DYM: variants seen among roughly 807,000 people sequenced by gnomAD.
DYM encodes dymeclin.
DYM carries 78 observed loss-of-function variants against 93.1 expected under a neutral mutation model. The ratio of observed to expected loss-of-function variants is 0.84; its 90% CI spans 0.70 to 1.01. The LOEUF (loss-of-function observed/expected upper bound fraction) is 1.01. Ranked by LOEUF, DYM falls within the 50% of genes least tolerant of loss-of-function variation. The pLI is 0.00. For synonymous variants in DYM, 321 were observed against 319.7 expected, an observed-to-expected ratio of 1.00 and a Z score of -0.04; for missense variants, 789 against 845.0, an observed-to-expected ratio of 0.93 and a Z score of 0.82.
chr18:49,117,192 A>G lies in DYM; in HGVS notation c.1911+1552T>C, dbSNP rs528166767. 4.6e-5 allele frequency among the ~76,000 whole-genome samples: 7 copies of G among 152,362 alleles called. No homozygotes were observed. The South Asian group carries it at 1.5e-3, about 32-fold the overall frequency. ...TTAATGATACCTAAATGATGTCGAT[A>G]TAAGTTTAGGAAAGTGACAAGAGTG... On this transcript the variant is annotated intron_variant, in intron 16 of 17. Transcript: ENST00000675505.
chr18:49,215,104 G>C (rs1327181887), intron 13 of DYM, among the ~76,000 whole-genome samples: 1 of 152,176 alleles, frequency 6.6e-6, no homozygotes, highest in Admixed American at 6.5e-5. Context: ...CTTATAATAA[G>C]CTAAATCCAT....
intron 13 of DYM, among the ~76,000 whole-genome samples, chr18:49,249,256 A>G (rs2094234702): frequency 6.6e-6 from 1 of 152,248 alleles, no homozygotes; most frequent in Admixed American, 6.5e-5. Flanking sequence ...CACAAGAGAG[A>G]TAAGTGGTGA....
intron 11 of DYM, among the ~76,000 whole-genome samples, chr18:49,263,770 C>T (rs1787009118): frequency 6.6e-6 from 1 of 152,086 alleles, no homozygotes; most frequent in Non-Finnish European, 1.5e-5. Context: ...TGTGTTAACA[C>T]ACTAAAAAGC....
intron 8 of DYM, among the ~76,000 whole-genome samples, chr18:49,287,735 C>A (rs886516631): frequency 7.4e-5 from 11 of 149,436 alleles, no homozygotes; most frequent in African/African-American, 2.7e-4. Flanking sequence ...ATCCCAGCTA[C>A]TCGGGAGGCT....
At chr18:49,293,449 T>C (rs113577756) in intron 8 of DYM, among the ~76,000 whole-genome samples, 1,662 of 152,334 alleles carry the variant, frequency 0.011, 29 homozygotes, top group African/African-American at 0.038. Flanking sequence ...ACCAACAGTA[T>C]AAAAGCATTC....
In DYM at chr18:49,042,424, G is replaced by A. The variant is rs1346448621; in HGVS notation, c.*1631C>T. 2 of 152,366 alleles carry A rather than the reference G, an allele frequency of 1.3e-5. No individual in the cohort carries two copies. Among genetic ancestry groups the A allele is most frequent in the East Asian group, 3.8e-4 (2 of 5,202 alleles). 9.4% of individuals were successfully genotyped at this position (152,366 alleles called of 1,614,324 possible). A position where few individuals can be genotyped will look rare whatever the true frequency, so the allele number is the denominator to read the frequency against. On this transcript the variant is annotated 3_prime_UTR_variant, in exon 18 of 18. Coordinates refer to ENST00000675505, the MANE Select transcript of DYM (RefSeq NM_001353214.3). ...TGCCCTACCTCGACAGCCTCTAAGA[G>A]CACAGCTTGGCCAGGCCTTCCCGTG...
intron 8 of DYM, among the ~76,000 whole-genome samples, chr18:49,320,399 C>T (rs1294514951): frequency 1.3e-5 from 2 of 152,184 alleles, no homozygotes; most frequent in Non-Finnish European, 2.9e-5. Flanking sequence ...TCCCTCTATT[C>T]ATCCATAAAT....
In DYM at chr18:49,250,521, C is replaced by T. The variant is rs79512609; in HGVS notation, c.1460+6489G>A. Among the ~76,000 whole-genome samples the T allele has an allele frequency of 3.1e-3, 475 of 152,232 alleles. 4 individuals carry two copies. Among genetic ancestry groups the T allele is most frequent in the African/African-American group, 0.011 (441 of 41,532 alleles). On this transcript the variant is annotated intron_variant, in intron 13 of 17. Coordinates refer to ENST00000675505, the MANE Select transcript of DYM (RefSeq NM_001353214.3). Reference sequence around the variant, plus strand: ...ACTGACAGTGATCCATGGGCTGCTACGAAGAGATGAAGAGGGCCAAATGGG... The same window carrying T: ...ACTGACAGTGATCCATGGGCTGCTATGAAGAGATGAAGAGGGCCAAATGGG...
intron 2 of DYM, among the ~76,000 whole-genome samples, chr18:49,411,284 C>T (rs2072214194): frequency 6.6e-6 from 1 of 152,052 alleles, no homozygotes; most frequent in Non-Finnish European, 1.5e-5. Flanking sequence ...AGTTGTGTCA[C>T]ACATAAATTA....
chr18:49,341,928 T>A (rs1363501770), intron 6 of DYM, among the ~76,000 whole-genome samples: 2 of 152,202 alleles, frequency 1.3e-5, no homozygotes, highest in African/African-American at 2.4e-5. Flanking sequence ...TGTATTAGTT[T>A]TACATTGCTG....
intron 1 of DYM, among the ~76,000 whole-genome samples, chr18:49,438,530 T>C (rs2148545734): frequency 6.6e-6 from 1 of 152,058 alleles, no homozygotes; most frequent in South Asian, 2.1e-4. Flanking sequence ...AAGGGCACCA[T>C]CCCAAAGAGT....
chr18:49,234,154 T>A (rs1433525423), intron 13 of DYM, among the ~76,000 whole-genome samples: 2 of 149,632 alleles, frequency 1.3e-5, no homozygotes, highest in Non-Finnish European at 3.0e-5. Flanking sequence ...ACAACAAAAC[T>A]GAAGAGTTAC....
rs1375073183 is a variant in DYM at position 49,378,640 on chromosome 18, C to G, written c.348G>C (p.Val116=). 1.9e-5 allele frequency: 31 copies of G among 1,613,110 alleles called. No homozygotes were observed. Among genetic ancestry groups the G allele is most frequent in the Non-Finnish European group, 2.5e-5 (30 of 1,179,464 alleles). The change falls in exon 5 of 18, where the codon GTG becomes GTC. Residue 116 remains valine (V), a synonymous_variant. Coordinates refer to ENST00000675505, the MANE Select transcript of DYM (RefSeq NM_001353214.3). The part of the protein sequence containing the change: ...ALFIICCLLK[V]FICQMSEEEL... ...CCTCCTCTGACATCTGACAGATGAA[C>G]ACTTTCAGCAAACAGCAAATAATAA...
chr18:49,444,408 T>A (rs2081929873), intron 1 of DYM, among the ~76,000 whole-genome samples: 1 of 152,206 alleles, frequency 6.6e-6, no homozygotes, highest in Non-Finnish European at 1.5e-5. Flanking sequence ...TTGATATATC[T>A]GTTAATGAAT....
chr18:49,215,898 T>C (rs927677535), intron 13 of DYM, among the ~76,000 whole-genome samples: 11 of 152,120 alleles, frequency 7.2e-5, no homozygotes, highest in Non-Finnish European at 1.3e-4. Flanking sequence ...AGACAGTGGG[T>C]GCAGGACAGT....
intron 13 of DYM, among the ~76,000 whole-genome samples, chr18:49,234,130 A>G (rs544738874): frequency 6.6e-6 from 1 of 151,672 alleles, no homozygotes; most frequent in African/African-American, 2.4e-5. Context: ...CTCCACCTCA[A>G]AACAACAACA....
At chr18:49,088,214 C>T (rs1233995665) in intron 17 of DYM, among the ~76,000 whole-genome samples, 1 of 152,112 alleles carries the variant, frequency 6.6e-6, no homozygotes, top group Non-Finnish European at 1.5e-5. Flanking sequence ...AATGGTATTG[C>T]CTAGGTTTTC....
At chr18:49,420,853 CAGG>C (rs1376453646) in intron 2 of DYM, among the ~76,000 whole-genome samples, 2 of 151,992 alleles carry the variant, frequency 1.3e-5, no homozygotes, top group East Asian at 3.9e-4. Flanking sequence ...AACGGCACAT[CAGG>C]AGATTATATC....
At chr18:49,442,860 CTTTT>C (rs199516387) in intron 1 of DYM, among the ~76,000 whole-genome samples, 1 of 142,988 alleles carries the variant, frequency 7.0e-6, no homozygotes, top group Non-Finnish European at 1.5e-5. Flanking sequence ...ATGATTCCTA[CTTTT>C]TTTTTTTTTT....
Sources: gnomAD v4.1 joint callset for allele counts (sites outside exome capture counted in the v4.1 genomes callset) on GRCh38, gnomAD v4.1.1 for gene constraint, MANE v1.5 for transcripts, NCBI Gene and HGNC (gene_info 2026-07-23, HGNC 2026-07-21) for gene names.